Variants in HMBOX1 observed in about 807,000 individuals in gnomAD.
HMBOX1 encodes homeobox-containing protein 1.
A neutral mutation model predicts 54.5 loss-of-function variants in HMBOX1; 14 were observed. That is an observed-to-expected ratio of 0.26 (90% CI 0.17 to 0.40). The LOEUF is 0.40. HMBOX1 is among the 10% of genes least tolerant of loss of function. The pLI, the probability that HMBOX1 is intolerant of heterozygous loss-of-function variation, is 1.00. For synonymous variants in HMBOX1, 160 were observed against 181.0 expected (o/e 0.88, Z 0.93); for missense variants, 332 against 514.4 (o/e 0.65, Z 3.43).
At chr8:28,947,869 C>A (rs1370538564) in intron 1 of HMBOX1, among the ~76,000 whole-genome samples, 2 of 152,112 alleles carry the variant, frequency 1.3e-5, no homozygotes, top group African/African-American at 4.8e-5. Flanking sequence ...GCTGTGAGAT[C>A]TTGATCTTGA....
Position 28,925,481 on chromosome 8 carries a change from G to A in HMBOX1, c.-58+34803G>A, listed in dbSNP as rs899958107. ...GCAAACACTATATTCATTATTGTTT[G>A]CTCTCAGTTATGTGGTGGTAATGGG... On this transcript the variant is annotated intron_variant, in intron 1 of 9. Transcript: ENST00000287701. Among the ~76,000 whole-genome samples the A allele has an allele frequency of 2.0e-5, 3 of 151,918 alleles. No homozygotes were observed. In the South Asian group the frequency reaches 6.3e-4, roughly 32 times the overall value.
chr8:28,906,371 T>C (rs1814335619), intron 1 of HMBOX1, among the ~76,000 whole-genome samples: 1 of 152,220 alleles, frequency 6.6e-6, no homozygotes, highest in Non-Finnish European at 1.5e-5. Context: ...TAATGAGATT[T>C]TTAAATATAA....
chr8:29,045,314 A>G (rs1405153952), intron 6 of HMBOX1, 47 bp from the exon 7 acceptor site: 2 of 1,392,064 alleles, frequency 1.4e-6, no homozygotes, highest in Non-Finnish European at 2.0e-6. Context: ...TAATGAGAGT[A>G]TGTTTGAAAA....
rs1258161989 is a variant in HMBOX1 at position 28,964,718 on chromosome 8, G to C, written c.23+828G>C. On this transcript the variant is annotated intron_variant, in intron 2 of 9. Coordinates refer to ENST00000287701, the MANE Select transcript of HMBOX1 (RefSeq NM_001135726.3). ...CTTATTATTTAGGCTTTTCATTATAGTTCCCCCACCCCCACCCCAGTAGAT... is the reference window on the plus strand; with the variant it reads ...CTTATTATTTAGGCTTTTCATTATACTTCCCCCACCCCCACCCCAGTAGAT... 4.6e-5 allele frequency among the ~76,000 whole-genome samples: 7 copies of C among 151,320 alleles called. No homozygotes were observed. In the South Asian group the frequency reaches 6.3e-4, roughly 14 times the overall value.
chr8:28,974,226 T>TG (rs1411757813), intron 3 of HMBOX1, among the ~76,000 whole-genome samples: 1 of 152,112 alleles, frequency 6.6e-6, no homozygotes, highest in Non-Finnish European at 1.5e-5. Context: ...GAGTTAGGGT[T>TG]GGGAAAAAAA....
chr8:29,045,576 T>C (rs1805456771), intron 7 of HMBOX1, 133 bp downstream of exon 7: 1 of 694,132 alleles, frequency 1.4e-6, no homozygotes, highest in Admixed American at 2.2e-5. Flanking sequence ...CTTCCGCAGG[T>C]GGCCAGTGCC....
At chr8:29,028,536 T>A (rs1159531243) in intron 6 of HMBOX1, among the ~76,000 whole-genome samples, 1 of 152,190 alleles carries the variant, frequency 6.6e-6, no homozygotes, top group Non-Finnish European at 1.5e-5. Flanking sequence ...CTTTCCTTTC[T>A]CCTCTTTACT....
intron 4 of HMBOX1, among the ~76,000 whole-genome samples, chr8:28,982,864 T>TC (rs1829609970): frequency 6.6e-6 from 1 of 152,112 alleles, no homozygotes; most frequent in Non-Finnish European, 1.5e-5. Flanking sequence ...GCTCAGGTGA[T>TC]CCACCCGCTT....
chr8:28,960,284 A>G (rs890959235), intron 1 of HMBOX1, among the ~76,000 whole-genome samples: 2 of 143,604 alleles, frequency 1.4e-5, no homozygotes, highest in Admixed American at 6.7e-5. Flanking sequence ...GTCACAGTGT[A>G]TTGTTATGTT....
At chr8:29,025,507 A>G (rs546503525) in intron 6 of HMBOX1, among the ~76,000 whole-genome samples, 1 of 152,336 alleles carries the variant, frequency 6.6e-6, no homozygotes, top group East Asian at 1.9e-4. Context: ...ATTATTTGAG[A>G]TAATATGTGC....
At chr8:28,952,976 C>A (rs1823764700) in intron 1 of HMBOX1, among the ~76,000 whole-genome samples, 1 of 152,184 alleles carries the variant, frequency 6.6e-6, no homozygotes, top group Non-Finnish European at 1.5e-5. Flanking sequence ...TATAGCAGAA[C>A]TACAGTTCTG....
chr8:28,944,660 T>G (rs200545080), intron 1 of HMBOX1, among the ~76,000 whole-genome samples: 2 of 152,090 alleles, frequency 1.3e-5, no homozygotes, highest in East Asian at 3.8e-4. Flanking sequence ...TGGAGAGAGG[T>G]GTACAGTTGT....
intron 1 of HMBOX1, among the ~76,000 whole-genome samples, chr8:28,901,122 T>C (rs940312142): frequency 8.5e-5 from 13 of 152,196 alleles, no homozygotes; most frequent in African/African-American, 2.7e-4. Context: ...CTTAGAGTAG[T>C]GGTTGTTACA....
intron 4 of HMBOX1, among the ~76,000 whole-genome samples, chr8:28,986,805 T>G (rs1563529458): frequency 6.6e-6 from 1 of 152,162 alleles, no homozygotes; most frequent in East Asian, 1.9e-4. Context: ...TCTATCTTAT[T>G]CTTTAATTTT....
At chr8:28,938,927 T>A (rs1216336168) in intron 1 of HMBOX1, among the ~76,000 whole-genome samples, 1 of 151,782 alleles carries the variant, frequency 6.6e-6, no homozygotes, top group Non-Finnish European at 1.5e-5. Flanking sequence ...GAGGCCAAGG[T>A]GGGAGGATTG....
intron 6 of HMBOX1, among the ~76,000 whole-genome samples, chr8:29,024,655 A>C (rs1407506931): frequency 6.6e-6 from 1 of 152,230 alleles, no homozygotes; most frequent in Non-Finnish European, 1.5e-5. Flanking sequence ...TTTAATTACT[A>C]TACAGTTACT....
chr8:29,044,369 A>C (rs766082515), intron 6 of HMBOX1, among the ~76,000 whole-genome samples: 4 of 152,110 alleles, frequency 2.6e-5, no homozygotes, highest in African/African-American at 7.2e-5. Context: ...TTCTTTTTTT[A>C]AACTCATGGG....
rs190858417 is a variant in HMBOX1, at chr8:29,028,546, T to G, written c.851+9633T>G. On this transcript the variant is annotated intron_variant, in intron 6 of 9. Transcript: ENST00000287701. ...AGTCTCTTTCCTTTCTCCTCTTTAC[T>G]TTTAATTTTTTCAGTGAAGGTTAAG... 2.0e-5 allele frequency among the ~76,000 whole-genome samples: 3 copies of G among 152,236 alleles called. No individual in the cohort carries two copies. In the East Asian group the frequency reaches 5.8e-4, roughly 29 times the overall value.
chr8:28,900,735 AC>A (rs1813100469), intron 1 of HMBOX1, among the ~76,000 whole-genome samples: 1 of 151,404 alleles, frequency 6.6e-6, no homozygotes, highest in Non-Finnish European at 1.5e-5. Context: ...TTTTATTCCC[AC>A]CTTTTGTCAT....
Sources: allele counts gnomAD v4.1 joint callset (sites outside exome capture counted in the v4.1 genomes callset), GRCh38; gene constraint gnomAD v4.1.1; transcripts MANE v1.5; gene names NCBI Gene and HGNC (gene_info 2026-07-23, HGNC 2026-07-21).